PRR23A: variants seen among roughly 807,000 people sequenced by gnomAD.
The protein encoded by PRR23A is proline rich 23A.
For missense variants in PRR23A, 342 were observed against 372.7 expected, an observed-to-expected ratio of 0.92 and a Z score of 0.68; for synonymous variants, 161 against 170.6, an observed-to-expected ratio of 0.94 and a Z score of 0.44.
In PRR23A at chr3:139,005,925, T is replaced by G; in HGVS notation, c.344A>C (p.Gln115Pro). The G allele has an allele frequency of 6.2e-7, 1 of 1,613,782 alleles. No individual in the cohort carries two copies. The highest frequency in any genetic ancestry group is 1.1e-5 in the South Asian group (1 of 90,980). The change falls in exon 1 of 1, where the codon CAG (glutamine) becomes CCG (proline). Residue 115 changes from glutamine (Q) to proline (P), a missense_variant. Coordinates refer to ENST00000383163, the MANE Select transcript of PRR23A (RefSeq NM_001134659.1). ...TTCCAGCCCAGCAGACGAGTCGTCC[T>G]GCGCTCCTGAGCGTTCGTCGACAGA... ...LSSVDERSGA[Q>P]DDSSAGLEVD...
At position 139,004,081 on chromosome 3, in the gene PRR23A, T is replaced by G. The variant is rs974231076; in HGVS notation, c.*1387A>C. Among the ~76,000 whole-genome samples the G allele has an allele frequency of 7.2e-5, 11 of 152,186 alleles. No homozygotes were observed. Among genetic ancestry groups the G allele is most frequent in the African/African-American group, 2.7e-4 (11 of 41,450 alleles). On this transcript the variant is annotated 3_prime_UTR_variant, in exon 1 of 1. Transcript: ENST00000383163. ...ATTGACTAGAATGATATCCATCAAC[T>G]TTGTGTCATGATGTGAATCCCCTGG... is the stretch of plus-strand genomic sequence containing the variant.
At position 139,006,047 on chromosome 3, in the gene PRR23A, G is replaced by C. The variant is rs1310999958; in HGVS notation, c.222C>G (p.Asp74Glu). ...GGAGCTCCAGCACCAGGTCGACGTC[G>C]TCCAGGGGCACACGCAGGGCACAGC... ...AAGCALRVPL[D>E]DVDLVLELPP... The change falls in exon 1 of 1, where the codon GAC becomes GAG. Residue 74 changes from aspartate (D) to glutamate (E), a missense_variant. Physicochemically the swap from Asp to Glu is conservative, Grantham distance 45 (BLOSUM62 2). Transcript: ENST00000383163. The C allele has an allele frequency of 1.9e-6, 3 of 1,604,900 alleles. No homozygotes were observed. The highest frequency in any genetic ancestry group is 1.7e-4 in the Middle Eastern group (1 of 5,970).
the PRR23A span, chr3:139,006,169 GC>G: frequency 6.5e-7 from 1 of 1,546,262 alleles, no homozygotes; most frequent in South Asian, 1.2e-5. Context: ...GGGCCCGCGG[GC>G]TCCTCCAATC....
In PRR23A at chr3:139,006,109, C is replaced by A. The variant is rs1207883412; in HGVS notation, c.160G>T (p.Val54Leu). The A allele has an allele frequency of 6.4e-7, 1 of 1,551,624 alleles. No homozygotes were observed. The highest frequency in any genetic ancestry group is 1.2e-5 in the South Asian group (1 of 83,662). The change falls in exon 1 of 1, where the codon GTG (valine) becomes TTG (leucine). Residue 54 changes from valine (V) to leucine (L), a missense_variant. Transcript: ENST00000383163. ...ACCACTATGGAGGTGAGCGCGCCCACGGCCGGGGTACCCGCCGGGTCTTCC... is the reference window on the plus strand; with the variant it reads ...ACCACTATGGAGGTGAGCGCGCCCAAGGCCGGGGTACCCGCCGGGTCTTCC... ...SLEDPAGTPA[V>L]GALTSIVVLA...
In PRR23A at chr3:139,005,929, C is replaced by G; in HGVS notation, c.340G>C (p.Ala114Pro). Residue 114 changes from alanine (A) to proline (P), a missense_variant, in exon 1 of 1, where the codon GCG (alanine) becomes CCG (proline). Physicochemically the swap from Ala to Pro is conservative, Grantham distance 27 (BLOSUM62 -1). Transcript: ENST00000383163. ...LLSSVDERSGAQDDSSAGLEV... is the reference protein window; with the variant it reads ...LLSSVDERSGPQDDSSAGLEV... ...AGCCCAGCAGACGAGTCGTCCTGCG[C>G]TCCTGAGCGTTCGTCGACAGAGCTC... The G allele has an allele frequency of 2.5e-6, 4 of 1,613,900 alleles. No individual in the cohort carries two copies. The highest frequency in any genetic ancestry group is 1.3e-5 in the African/African-American group (1 of 75,052).
At position 139,005,426 on chromosome 3, in the gene PRR23A, A is replaced by T. The variant is rs540539328; in HGVS notation, c.*42T>A. On this transcript the variant is annotated 3_prime_UTR_variant, in exon 1 of 1. Transcript: ENST00000383163. ...CCTCACAGTGAGTCTTGGAGGATCCACAAGAACCCGCAGCCGGTGGCAAGG... is the reference window on the plus strand; with the variant it reads ...CCTCACAGTGAGTCTTGGAGGATCCTCAAGAACCCGCAGCCGGTGGCAAGG... 16 of 1,454,672 alleles carry T rather than the reference A, an allele frequency of 1.1e-5. No homozygotes were observed. Among genetic ancestry groups the T allele is most frequent in the Non-Finnish European group, 1.5e-5 (16 of 1,099,226 alleles). 90.1% of individuals were successfully genotyped at this position (1,454,672 alleles called of 1,614,324 possible).
Position 139,006,145 on chromosome 3 carries a change from C to T in PRR23A, c.124G>A (p.Ala42Thr), listed in dbSNP as rs752990068. Residue 42 changes from alanine to threonine, a missense_variant, in exon 1 of 1, where the codon GCG (alanine) becomes ACG (threonine). Coordinates refer to ENST00000383163, the MANE Select transcript of PRR23A (RefSeq NM_001134659.1). ...CCCGCCGGGTCTTCCAGGCTGGGCG[C>T]CACGCGGGGTTCGGGGCCCGCGGGC... ...EEPAGPEPRVAPSLEDPAGTP... is the reference protein window; with the variant it reads ...EEPAGPEPRVTPSLEDPAGTP... 2.6e-6 allele frequency: 4 copies of T among 1,543,104 alleles called. No homozygotes were observed. Among genetic ancestry groups the T allele is most frequent in the Non-Finnish European group, 2.6e-6 (3 of 1,145,818 alleles).
rs1936751071 is a variant in PRR23A, at chr3:139,004,805, T to C, written c.*663A>G. On this transcript the variant is annotated 3_prime_UTR_variant, in exon 1 of 1. Transcript: ENST00000383163. Reference sequence around the variant, plus strand: ...CTTAAATTCTTATTTGCAGAAACACTTCCAAAAGGTCCAGTGCATTCATTA... The same window carrying C: ...CTTAAATTCTTATTTGCAGAAACACCTCCAAAAGGTCCAGTGCATTCATTA... Among the ~76,000 whole-genome samples the C allele has an allele frequency of 6.6e-6, 1 of 152,176 alleles. No individual in the cohort carries two copies. Among genetic ancestry groups the C allele is most frequent in the African/African-American group, 2.4e-5 (1 of 41,450 alleles).
chr3:139,005,886 A>T lies in PRR23A; in HGVS notation c.383T>A (p.Leu128Gln), dbSNP rs752467767. Residue 128 changes from leucine to glutamine, a missense_variant, in exon 1 of 1, where the codon CTG (leucine) becomes CAG (glutamine). Transcript: ENST00000383163. Reference sequence around the variant, plus strand: ...GACGACGTCCTCCCTGAGAGCGCCCAGGAAAACGTCCACTTCCAGCCCAGC... The same window carrying T: ...GACGACGTCCTCCCTGAGAGCGCCCTGGAAAACGTCCACTTCCAGCCCAGC... ...SSAGLEVDVF[L>Q]GALREDVVVE... The T allele has an allele frequency of 3.7e-6, 6 of 1,613,516 alleles. No individual in the cohort carries two copies. The highest frequency in any genetic ancestry group is 5.1e-6 in the Non-Finnish European group (6 of 1,179,792).
Position 139,004,483 on chromosome 3 carries a change from CTTT to C in PRR23A, c.*982_*984del, listed in dbSNP as rs777762354. Among the ~76,000 whole-genome samples, 1 of 143,682 alleles carries C rather than the reference CTTT, an allele frequency of 7.0e-6. No individual in the cohort carries two copies. The allele number at this position is 143,682 out of a possible 152,430, so 94.3% of individuals were successfully genotyped here. A position where few individuals can be genotyped will look rare whatever the true frequency, so the allele number is the denominator to read the frequency against. On this transcript the variant is annotated 3_prime_UTR_variant, in exon 1 of 1. Coordinates refer to ENST00000383163, the MANE Select transcript of PRR23A (RefSeq NM_001134659.1). ...AATTTTTAAATTGTTTTTTCGTTTT[CTTT>C]TTTTTTTTTTTGAGATGGAGTCTCA...
chr3:139,005,754 G>GCGGAGTCCATCTGGAGCTC, the PRR23A span: 196 of 1,613,526 alleles, frequency 1.2e-4, no homozygotes, highest in East Asian at 2.2e-4. Context: ...TGAGCCGGCT[G>GCGGAGTCCATCTGGAGCTC]CGGAGTCCAT....
In PRR23A at chr3:139,005,353, G is replaced by GC. The variant is rs1308755581; in HGVS notation, c.*114dup. 1.0e-6 allele frequency: 1 copy of GC among 991,586 alleles called. No homozygotes were observed. Among genetic ancestry groups the GC allele is most frequent in the East Asian group, 2.8e-5 (1 of 36,174 alleles). 61.4% of individuals were successfully genotyped at this position (991,586 alleles called of 1,614,324 possible). ...CCACCCAAACAACAGTAATCCAACT[G>GC]CCCGCTGTCGATGAATGAAGATGCT... On this transcript the variant is annotated 3_prime_UTR_variant, in exon 1 of 1. Transcript: ENST00000383163.
rs1001700908 is a variant in PRR23A, at chr3:139,005,775, G to A, written c.494C>T (p.Pro165Leu). ...AYEEDADPEFPELQMDSAAGS... is the reference protein window; with the variant it reads ...AYEEDADPEFLELQMDSAAGS... ...GGCTGCGGAGTCCATCTGGAGCTCC[G>A]GAAACTCGGGGTCCGCGTCCTCCTC... The change falls in exon 1 of 1, where the codon CCG becomes CTG. Residue 165 changes from proline (P) to leucine (L), a missense_variant. By Grantham distance (98) the Pro-to-Leu change is moderately conservative (BLOSUM62 -3). Transcript: ENST00000383163. 1.9e-6 allele frequency: 3 copies of A among 1,613,542 alleles called. No individual in the cohort carries two copies. The highest frequency in any genetic ancestry group is 2.7e-5 in the African/African-American group (2 of 74,904).
rs527698210 is a variant in PRR23A, at chr3:139,005,623, A to G, written c.646T>C (p.Phe216Leu). ...SSEGHSPGPF[F>L]DPEFRLLEPV... is the part of the protein sequence containing the mutation. Reference sequence around the variant, plus strand: ...TCCAGAAGGCGGAATTCCGGGTCGAAGAAGGGGCCTGGAGAGTGTCCCTCT... The same window carrying G: ...TCCAGAAGGCGGAATTCCGGGTCGAGGAAGGGGCCTGGAGAGTGTCCCTCT... The change falls in exon 1 of 1, where the codon TTC (phenylalanine) becomes CTC (leucine). Residue 216 changes from phenylalanine (F) to leucine (L), a missense_variant. By Grantham distance (22) the Phe-to-Leu change is conservative (BLOSUM62 0). Transcript: ENST00000383163. The G allele has an allele frequency of 2.5e-6, 4 of 1,613,306 alleles. No homozygotes were observed. Among genetic ancestry groups the G allele is most frequent in the East Asian group, 2.2e-5 (1 of 44,806 alleles).
rs779710022 is a variant in PRR23A, at chr3:139,006,200, G to A, written c.69C>T (p.Pro23=). The change falls in exon 1 of 1, where the codon CCC becomes CCT. Residue 23 remains proline (P), a synonymous_variant. Coordinates refer to ENST00000383163, the MANE Select transcript of PRR23A (RefSeq NM_001134659.1). Reference sequence around the variant, plus strand: ...CCAATCGGAGGCGCTTGGCAGGGCCGGGTCCTCCTGGCTGCTGTCCCCACC... The same window carrying A: ...CCAATCGGAGGCGCTTGGCAGGGCCAGGTCCTCCTGGCTGCTGTCCCCACC... ...APWWGQQPGG[P]GPAKRLRLEE... is the part of the protein sequence containing the mutation. 8.4e-6 allele frequency: 13 copies of A among 1,547,344 alleles called. No homozygotes were observed. The African/African-American group carries it at 1.2e-4, about 15-fold the overall frequency.
At position 139,005,390 on chromosome 3, in the gene PRR23A, C is replaced by A. The variant is rs931375404; in HGVS notation, c.*78G>T. 24 of 1,236,818 alleles carry A rather than the reference C, an allele frequency of 1.9e-5. No homozygotes were observed. The African/African-American group carries it at 2.6e-4, about 13-fold the overall frequency. 76.6% of individuals were successfully genotyped at this position (1,236,818 alleles called of 1,614,324 possible). ...TGAATGAAGATGCTGCATTTCCGGG[C>A]TGTGGCAAGTCCTCACAGTGAGTCT... On this transcript the variant is annotated 3_prime_UTR_variant, in exon 1 of 1. Coordinates refer to ENST00000383163, the MANE Select transcript of PRR23A (RefSeq NM_001134659.1).
rs1471322719 is a variant in PRR23A, at chr3:139,006,241, C to T, written c.28G>A (p.Ala10Thr). ...TGTCCCCACCAGGGCGCAGGGAAGGCGCTGGGGCTGCGGGGCCGGCTGCCC... is the reference window on the plus strand; with the variant it reads ...TGTCCCCACCAGGGCGCAGGGAAGGTGCTGGGGCTGCGGGGCCGGCTGCCC... Reference protein sequence around the residue: MGSRPRSPSAFPAPWWGQQP... With the variant: MGSRPRSPSTFPAPWWGQQP... Residue 10 changes from alanine to threonine, a missense_variant, in exon 1 of 1, where the codon GCC (alanine) becomes ACC (threonine). Physicochemically the swap from Ala to Thr is moderately conservative, Grantham distance 58 (BLOSUM62 0). Transcript: ENST00000383163. 6.5e-7 allele frequency: 1 copy of T among 1,538,714 alleles called. No homozygotes were observed. Among genetic ancestry groups the T allele is most frequent in the Admixed American group, 2.0e-5 (1 of 50,116 alleles).
rs1936775947 is a variant in PRR23A at position 139,006,124 on chromosome 3, C to G, written c.145G>C (p.Ala49Pro). The stretch of plus-strand genomic sequence containing the variant: ...AGCGCGCCCACGGCCGGGGTACCCG[C>G]CGGGTCTTCCAGGCTGGGCGCCACG... ...PRVAPSLEDP[A>P]GTPAVGALTS... Residue 49 changes from alanine (A) to proline (P), a missense_variant, in exon 1 of 1, where the codon GCG becomes CCG. Transcript: ENST00000383163. The G allele has an allele frequency of 1.2e-5, 19 of 1,545,798 alleles. No individual in the cohort carries two copies. The highest frequency in any genetic ancestry group is 1.7e-5 in the Non-Finnish European group (19 of 1,147,166).
Position 139,005,557 on chromosome 3 carries a change from G to A in PRR23A, c.712C>T (p.Pro238Ser). 6.3e-7 allele frequency: 1 copy of A among 1,597,772 alleles called. No homozygotes were observed. The highest frequency in any genetic ancestry group is 1.3e-5 in the African/African-American group (1 of 74,510). The change falls in exon 1 of 1, where the codon CCG becomes TCG. Residue 238 changes from proline (P) to serine (S), a missense_variant. Coordinates refer to ENST00000383163, the MANE Select transcript of PRR23A (RefSeq NM_001134659.1). ...SSPLQPLPPS[P>S]RVGSPGPHAH... ...TGGGGACCTGGACTCCCCACGCGCG[G>A]AGAGGGAGGTAGAGGTTGGAGAGGT...
Sources: allele counts gnomAD v4.1 joint callset (sites outside exome capture counted in the v4.1 genomes callset), GRCh38; gene constraint gnomAD v4.1.1; transcripts MANE v1.5; gene names NCBI Gene and HGNC (gene_info 2026-07-23, HGNC 2026-07-21).